The following DHX33 variants were observed in gnomAD, a reference collection of about 807,000 sequenced individuals.
The protein encoded by DHX33 is DEAH-box helicase 33, also known as ATP-dependent RNA helicase DHX33.
A neutral mutation model predicts 72.5 loss-of-function variants in DHX33; 42 were observed. That is an observed-to-expected ratio of 0.58 (90% CI 0.45 to 0.75). The LOEUF is 0.75. Ranked by LOEUF, DHX33 falls within the 30% of genes least tolerant of loss-of-function variation. The pLI is 0.00. For synonymous variants in DHX33, 358 were observed against 366.1 expected (o/e 0.98, Z 0.25); for missense variants, 842 against 917.5 (o/e 0.92, Z 1.06).
At chr17:5,460,064 G>C (rs1597362535) in intron 4 of DHX33, among the ~76,000 whole-genome samples, 4 of 149,974 alleles carry the variant, frequency 2.7e-5, no homozygotes, top group Admixed American at 2.6e-4. Flanking sequence ...ACCCAGGCTG[G>C]AGTGCAGTGG....
chr17:5,464,405 T>C (rs113760944), intron 1 of DHX33, among the ~76,000 whole-genome samples: 10 of 152,116 alleles, frequency 6.6e-5, no homozygotes, highest in African/African-American at 2.4e-4. Flanking sequence ...AAGTAAAAGA[T>C]AAAATACCCT....
intron 11 of DHX33, among the ~76,000 whole-genome samples, chr17:5,447,922 G>A (rs1916723146): frequency 6.6e-6 from 1 of 152,056 alleles, no homozygotes; most frequent in African/African-American, 2.4e-5. Context: ...CTCACACCTG[G>A]AATCCCAGCA....
At chr17:5,453,697 A>T (rs1030225615) in intron 7 of DHX33, 29 bp from the exon 8 acceptor site, 17 of 1,612,488 alleles carry the variant, frequency 1.1e-5, no homozygotes, top group Non-Finnish European at 1.4e-5. Flanking sequence ...CAGGGTCATG[A>T]CCTGATCCCT....
Position 5,443,794 on chromosome 17 carries a change from A to G in DHX33, c.*411T>C. On this transcript the variant is annotated 3_prime_UTR_variant, in exon 12 of 12. Transcript: ENST00000225296. ...TTCACATCATATGGCAAGCAGTAAC[A>G]TTCAGCCTAACGGCTCCCAACTCAC... 1 of 167,884 alleles carries G rather than the reference A, an allele frequency of 6.0e-6. No individual in the cohort carries two copies. The allele number at this position is 167,884 out of a possible 1,614,324, so 10.4% of individuals were successfully genotyped here. A position where few individuals can be genotyped will look rare whatever the true frequency, so the allele number is the denominator to read the frequency against.
chr17:5,452,396 C>T (rs574672350), intron 8 of DHX33, among the ~76,000 whole-genome samples: 6 of 152,170 alleles, frequency 3.9e-5, no homozygotes, highest in South Asian at 2.1e-4. Flanking sequence ...AAAAATTAGC[C>T]GGGCATGGTG....
rs926563855 is a variant in DHX33 at position 5,468,798 on chromosome 17, C to A, written c.62G>T (p.Ser21Ile). 2.5e-6 allele frequency: 4 copies of A among 1,598,756 alleles called. No homozygotes were observed. The African/African-American group carries it at 5.4e-5, about 21-fold the overall frequency. Residue 21 changes from serine to isoleucine, a missense_variant, in exon 1 of 12, where the codon AGC (serine) becomes ATC (isoleucine). Ser to Ile is a moderately radical substitution (Grantham distance 142). Transcript: ENST00000225296. ...CCCGGGAGGGAAGGACCCAGCGCGG[C>A]TCGGAGGTCCAGAGCCTGGCCGGAA... ...KRFRPGSGPP[S>I]RAGSFPPGRQ...
rs766233236 is a variant in DHX33, at chr17:5,450,956, A to C, written c.1397-22T>G. The C allele has an allele frequency of 2.5e-6, 4 of 1,605,498 alleles. No individual in the cohort carries two copies. The South Asian group carries it at 4.5e-5, about 18-fold the overall frequency. ...TGATCTAAAGAAACAGAGACATAAAAAGGAGCCAAAAGTCCAAAAAAATGA... is the reference window on the plus strand; with the variant it reads ...TGATCTAAAGAAACAGAGACATAAACAGGAGCCAAAAGTCCAAAAAAATGA... On this transcript the variant is annotated intron_variant, in intron 8 of 11. Coordinates refer to ENST00000225296, the MANE Select transcript of DHX33 (RefSeq NM_020162.4).
chr17:5,452,936 GA>G (rs749356159), intron 8 of DHX33, among the ~76,000 whole-genome samples: 2 of 152,104 alleles, frequency 1.3e-5, no homozygotes, highest in Non-Finnish European at 2.9e-5. Flanking sequence ...CATTTCTTAA[GA>G]AAAGGGGGGG....
intron 11 of DHX33, among the ~76,000 whole-genome samples, chr17:5,447,739 G>A (rs1916715581): frequency 6.6e-6 from 1 of 152,224 alleles, no homozygotes; most frequent in South Asian, 2.1e-4. Context: ...ACATACGGAG[G>A]ATGGTCACTA....
chr17:5,460,449 TATC>T (rs1430829230), intron 4 of DHX33, among the ~76,000 whole-genome samples: 2 of 152,116 alleles, frequency 1.3e-5, no homozygotes, highest in African/African-American at 4.8e-5. Context: ...AAATTAGAGA[TATC>T]ATAAATAAAG....
rs1433743918 is a variant in DHX33 at position 5,448,796 on chromosome 17, G to A, written c.1815+13C>T. On this transcript the variant is annotated intron_variant, in intron 11 of 11. Transcript: ENST00000225296. ...AGCTTTGTCACCCACAGAACACTAGGACCAGACGATACCTTTAAGCAGATG... is the reference window on the plus strand; with the variant it reads ...AGCTTTGTCACCCACAGAACACTAGAACCAGACGATACCTTTAAGCAGATG... 6.3e-7 allele frequency: 1 copy of A among 1,591,466 alleles called. No individual in the cohort carries two copies. Among genetic ancestry groups the A allele is most frequent in the Non-Finnish European group, 8.6e-7 (1 of 1,168,482 alleles).
In DHX33 at chr17:5,460,925, C is replaced by T. The variant is rs1904567838; in HGVS notation, c.849+14G>A. 2 of 1,603,148 alleles carry T rather than the reference C, an allele frequency of 1.2e-6. No individual in the cohort carries two copies. The highest frequency in any genetic ancestry group is 1.7e-6 in the Non-Finnish European group (2 of 1,172,234). On this transcript the variant is annotated intron_variant, in intron 4 of 11. Coordinates refer to ENST00000225296, the MANE Select transcript of DHX33 (RefSeq NM_020162.4). ...AAAAGAGAACTTTTCAGGAATTTGCCCCCAGCACCATACCTGGTGGATCTG... is the reference window on the plus strand; with the variant it reads ...AAAAGAGAACTTTTCAGGAATTTGCTCCCAGCACCATACCTGGTGGATCTG...
In DHX33 at chr17:5,444,288, C is replaced by A; in HGVS notation, c.2041G>T (p.Asp681Tyr). Residue 681 changes from aspartate (D) to tyrosine (Y), a missense_variant, in exon 12 of 12, where the codon GAC becomes TAC. By Grantham distance (160) the Asp-to-Tyr change is radical. Transcript: ENST00000225296. The surrounding 1 kb of genome is among the most constrained non-coding windows in gnomAD (Gnocchi z 4.9). The part of the protein sequence containing the change: ...LLYTNKCYMR[D>Y]LCVIDAQWLY... ...CACTGTGCATCTATGACGCAGAGGTCCCGCATGTAGCACTTGTTGGTGTAG... is the reference window on the plus strand; with the variant it reads ...CACTGTGCATCTATGACGCAGAGGTACCGCATGTAGCACTTGTTGGTGTAG... 2 of 1,614,218 alleles carry A rather than the reference C, an allele frequency of 1.2e-6. No individual in the cohort carries two copies. Among genetic ancestry groups the A allele is most frequent in the Non-Finnish European group, 1.7e-6 (2 of 1,180,046 alleles).
rs778692407 is a variant in DHX33 at position 5,444,172 on chromosome 17, G to A, written c.*33C>T. On this transcript the variant is annotated 3_prime_UTR_variant, in exon 12 of 12. Transcript: ENST00000225296. The surrounding 1 kb of genome is among the most constrained non-coding windows in gnomAD (Gnocchi z 4.9). ...GGACAACTGTAGTCCAAGCTCCCAG[G>A]GACCAGTGATTCTGGCGGCATCCTG... 5 of 1,594,828 alleles carry A rather than the reference G, an allele frequency of 3.1e-6. No individual in the cohort carries two copies. Among genetic ancestry groups the A allele is most frequent in the African/African-American group, 1.3e-5 (1 of 74,666 alleles).
chr17:5,444,585 G>A lies in DHX33; in HGVS notation c.1816-72C>T, dbSNP rs1000230318. On this transcript the variant is annotated intron_variant, in intron 11 of 11. Transcript: ENST00000225296. The surrounding 1 kb of genome is among the most constrained non-coding windows in gnomAD (Gnocchi z 4.9). ...ACTGGTCAGCACTACACAGCGTGTT[G>A]GGGCAACTGGACCCACTGGGGCAAA... is the stretch of plus-strand genomic sequence containing the variant. The A allele has an allele frequency of 1.8e-4, 271 of 1,493,374 alleles. No individual in the cohort carries two copies. Among genetic ancestry groups the A allele is most frequent in the Non-Finnish European group, 2.2e-4 (240 of 1,105,620 alleles). 92.5% of individuals were successfully genotyped at this position (1,493,374 alleles called of 1,614,324 possible). A position where few individuals can be genotyped will look rare whatever the true frequency, so the allele number is the denominator to read the frequency against.
chr17:5,459,895 C>G (rs770444915), intron 4 of DHX33, among the ~76,000 whole-genome samples: 2 of 148,612 alleles, frequency 1.3e-5, no homozygotes, highest in Non-Finnish European at 2.9e-5. Context: ...GATCCTCCTG[C>G]CTTAGCCTCC....
At chr17:5,460,850 C>T (rs1904564581) in intron 4 of DHX33, 89 bp downstream of exon 4, 3 of 1,459,874 alleles carry the variant, frequency 2.1e-6, no homozygotes, top group African/African-American at 1.4e-5. Context: ...TTGTTTTATT[C>T]AGTAGCTTTT....
chr17:5,463,708 A>G lies in DHX33; in HGVS notation c.290-19T>C. ...GTTTCCCCTAGGAGAGAGGGGGAAA[A>G]AAAAAAAAGGCTCACTGAAATGCAA... On this transcript the variant is annotated intron_variant, in intron 1 of 11. Coordinates refer to ENST00000225296, the MANE Select transcript of DHX33 (RefSeq NM_020162.4). 6.4e-7 allele frequency: 1 copy of G among 1,568,906 alleles called. No homozygotes were observed. Among genetic ancestry groups the G allele is most frequent in the Non-Finnish European group, 8.6e-7 (1 of 1,159,678 alleles).
At chr17:5,461,301 T>A (rs1342456827) in intron 3 of DHX33, 192 bp from the exon 4 acceptor site, 1 of 441,702 alleles carries the variant, frequency 2.3e-6, no homozygotes, top group Non-Finnish European at 3.8e-6. Flanking sequence ...TCCTTTCCTT[T>A]CCTTCTTTTT....
Sources: allele counts gnomAD v4.1 joint callset (sites outside exome capture counted in the v4.1 genomes callset), GRCh38; gene constraint gnomAD v4.1.1; non-coding constraint Gnocchi (gnomAD v3.1); transcripts MANE v1.5; gene names NCBI Gene and HGNC (gene_info 2026-07-23, HGNC 2026-07-21).